The following RASGEF1A variants were observed in gnomAD, a reference collection of about 807,000 sequenced individuals.
The protein encoded by RASGEF1A is RasGEF domain family member 1A.
Under a neutral mutation model 56.4 loss-of-function variants are expected in RASGEF1A, and 18 were observed. That is an observed-to-expected ratio of 0.32 (90% confidence interval 0.22 to 0.47). The LOEUF (loss-of-function observed/expected upper bound fraction) is 0.47. RASGEF1A is among the 20% of genes least tolerant of loss of function. The pLI, the probability that RASGEF1A is intolerant of heterozygous loss-of-function variation, is 1.00. For missense variants in RASGEF1A, 422 were observed against 627.1 expected (o/e 0.67, Z 3.49); for synonymous variants, 245 against 242.6 (o/e 1.01, Z -0.09).
At chr10:43,251,381 C>T (rs1300507775) in intron 1 of RASGEF1A, among the ~76,000 whole-genome samples, 1 of 152,204 alleles carries the variant, frequency 6.6e-6, no homozygotes, top group Admixed American at 6.5e-5. Flanking sequence ...GGGCCCCTCA[C>T]CGTGCTAGGA....
chr10:43,230,339 A>G (rs1173405547), intron 1 of RASGEF1A, among the ~76,000 whole-genome samples: 1 of 152,088 alleles, frequency 6.6e-6, no homozygotes, highest in East Asian at 1.9e-4. Context: ...TCCGAGCCGC[A>G]GCGAGGGGTG....
chr10:43,194,609 G>C lies in RASGEF1A; in HGVS notation c.*1635C>G, dbSNP rs1402704967. On this transcript the variant is annotated 3_prime_UTR_variant, in exon 13 of 13. Transcript: ENST00000395810. ...AACTGACGTCCTGCATTATGGTACA[G>C]CTTCATACTCAGAGTTCATCTCAAA... 6.6e-6 allele frequency: 1 copy of C among 152,226 alleles called. No homozygotes were observed. The highest frequency in any genetic ancestry group is 1.5e-5 in the Non-Finnish European group (1 of 68,044). 9.4% of individuals were successfully genotyped at this position (152,226 alleles called of 1,614,324 possible).
intron 1 of RASGEF1A, among the ~76,000 whole-genome samples, chr10:43,250,644 G>A (rs556775415): frequency 3.8e-4 from 58 of 151,208 alleles, no homozygotes; most frequent in Non-Finnish European, 7.2e-4. Flanking sequence ...GAAGGGGAAG[G>A]GGGGGGTCAG....
intron 1 of RASGEF1A, among the ~76,000 whole-genome samples, chr10:43,244,461 A>G (rs1840548078): frequency 6.6e-6 from 1 of 151,240 alleles, no homozygotes; most frequent in South Asian, 2.1e-4. Context: ...CCTAACAGAC[A>G]TCGACAGAAC....
intron 1 of RASGEF1A, among the ~76,000 whole-genome samples, chr10:43,238,098 G>GT (rs1840455278): frequency 6.6e-6 from 1 of 151,044 alleles, no homozygotes; most frequent in African/African-American, 2.4e-5. Context: ...TTGGGGGGCG[G>GT]AGGGAGGGGG....
intron 1 of RASGEF1A, among the ~76,000 whole-genome samples, chr10:43,254,508 C>T (rs533052266): frequency 2.6e-5 from 4 of 152,240 alleles, no homozygotes; most frequent in Non-Finnish European, 4.4e-5. Context: ...TCGGGCCTCA[C>T]GGCTGCACCG....
At chr10:43,235,833 G>C (rs1305494426) in intron 1 of RASGEF1A, among the ~76,000 whole-genome samples, 1 of 148,926 alleles carries the variant, frequency 6.7e-6, no homozygotes, top group African/African-American at 2.5e-5. Flanking sequence ...CCCAACAAGG[G>C]AGGAGGCTGC....
At chr10:43,222,082 G>A (rs1191549372) in intron 1 of RASGEF1A, among the ~76,000 whole-genome samples, 8 of 152,168 alleles carry the variant, frequency 5.3e-5, no homozygotes, top group Non-Finnish European at 4.4e-5. Flanking sequence ...CCCAGGCTCC[G>A]TGGTACAGCC....
chr10:43,212,252 G>A (rs541399239), intron 1 of RASGEF1A, among the ~76,000 whole-genome samples: 4 of 152,178 alleles, frequency 2.6e-5, no homozygotes, highest in Non-Finnish European at 5.9e-5. Flanking sequence ...CTCTCCACTC[G>A]CTCCCAGCCT....
intron 1 of RASGEF1A, among the ~76,000 whole-genome samples, chr10:43,260,267 G>T (rs1025949097): frequency 2.4e-4 from 36 of 151,620 alleles, no homozygotes; most frequent in Non-Finnish European, 5.9e-5. Flanking sequence ...CACCGGCAGG[G>T]TGGACCGAGG....
intron 1 of RASGEF1A, among the ~76,000 whole-genome samples, chr10:43,232,039 G>A (rs1263130969): frequency 3.3e-5 from 5 of 152,268 alleles, no homozygotes; most frequent in Non-Finnish European, 7.3e-5. Context: ...CCTGCTCTGA[G>A]GATGGCAGAG....
chr10:43,220,567 T>C (rs929743870), intron 1 of RASGEF1A, among the ~76,000 whole-genome samples: 5 of 152,136 alleles, frequency 3.3e-5, no homozygotes, highest in African/African-American at 9.7e-5. Flanking sequence ...GCAGATCACT[T>C]GAGGTCAGGA....
intron 1 of RASGEF1A, among the ~76,000 whole-genome samples, chr10:43,233,420 G>A (rs556579820): frequency 2.6e-4 from 40 of 152,286 alleles, no homozygotes; most frequent in Middle Eastern, 3.4e-3. Context: ...AAGAACTCAT[G>A]TAAATAAAAA....
At chr10:43,239,096 C>G (rs1840472539) in intron 1 of RASGEF1A, among the ~76,000 whole-genome samples, 1 of 152,216 alleles carries the variant, frequency 6.6e-6, no homozygotes, top group Non-Finnish European at 1.5e-5. Flanking sequence ...CCCTCAGCTC[C>G]TGGCAACTCC....
intron 1 of RASGEF1A, chr10:43,207,391 A>AC (rs1840010842): frequency 1.2e-6 from 1 of 802,606 alleles, no homozygotes. Context: ...CCCCCACGTC[A>AC]ACACACACAC....
At chr10:43,255,483 G>A (rs1205721834) in intron 1 of RASGEF1A, among the ~76,000 whole-genome samples, 1 of 152,156 alleles carries the variant, frequency 6.6e-6, no homozygotes, top group Non-Finnish European at 1.5e-5. Flanking sequence ...TGCAAGCTCT[G>A]GGGGCAGGCA....
rs544338577 is a variant in RASGEF1A at position 43,195,135 on chromosome 10, C to T, written c.*1109G>A. On this transcript the variant is annotated 3_prime_UTR_variant, in exon 13 of 13. Transcript: ENST00000395810. This position sits in a 1 kb window ranked among gnomAD's most constrained non-coding sequence, Gnocchi z 4.2. The stretch of plus-strand genomic sequence containing the variant: ...AGGGAGACGGTCCACGTGGATTGAC[C>T]GTGTGCTTTCTGAAGGACAGCTGTC... The T allele has an allele frequency of 6.6e-6, 1 of 152,136 alleles. No individual in the cohort carries two copies. Among genetic ancestry groups the T allele is most frequent in the Non-Finnish European group, 1.5e-5 (1 of 68,054 alleles). 9.4% of individuals were successfully genotyped at this position (152,136 alleles called of 1,614,324 possible). A position where few individuals can be genotyped will look rare whatever the true frequency, so the allele number is the denominator to read the frequency against.
At chr10:43,206,888 C>T in intron 1 of RASGEF1A, 1 of 985,854 alleles carries the variant, frequency 1.0e-6, no homozygotes, top group Middle Eastern at 5.2e-4. Flanking sequence ...TGCCCCTGAG[C>T]TGCAGATGTC....
At chr10:43,262,582 A>C (rs1280587727) in intron 1 of RASGEF1A, among the ~76,000 whole-genome samples, 1 of 152,348 alleles carries the variant, frequency 6.6e-6, no homozygotes, top group Middle Eastern at 3.4e-3. Flanking sequence ...ATGTTCGCTG[A>C]ATCTGCCAGC....
Sources: gnomAD v4.1 joint callset for allele counts (sites outside exome capture counted in the v4.1 genomes callset) on GRCh38, gnomAD v4.1.1 for gene constraint, Gnocchi (gnomAD v3.1) non-coding constraint, MANE v1.5 for transcripts, NCBI Gene and HGNC (gene_info 2026-07-23, HGNC 2026-07-21) for gene names.